Variants in STARD4 observed in about 807,000 individuals in gnomAD.
STARD4 encodes the protein stAR-related lipid transfer protein 4.
In STARD4, 33 loss-of-function variants were observed where a neutral mutation model predicts 24.9. The observed-to-expected ratio is 1.32, with a 90% confidence interval of 1.00 to 1.77. STARD4 has a LOEUF of 1.77. Ranked by LOEUF, STARD4 falls within the 40% of genes most tolerant of loss-of-function variation. The pLI is 0.00. For synonymous variants in STARD4, 88 were observed against 77.4 expected (o/e 1.14, Z -0.72); for missense variants, 238 against 249.3 (o/e 0.95, Z 0.31).
At chr5:111,508,717 T>C (rs1757038291) in intron 1 of STARD4, among the ~76,000 whole-genome samples, 1 of 152,178 alleles carries the variant, frequency 6.6e-6, no homozygotes, top group Non-Finnish European at 1.5e-5. Flanking sequence ...TAGGGCCCAG[T>C]GCCAAATAGT....
At position 111,500,009 on chromosome 5, in the gene STARD4, G is replaced by C; in HGVS notation, c.495C>G (p.Asn165Lys). ...GAATATATCCTGTCAAAAGACTCTG[G>C]TTTGGGTTGTCTTTAAGTGGAACAC... Reference protein sequence around the residue: ...WFCVPLKDNPNQSLLTGYIQT... With the variant: ...WFCVPLKDNPKQSLLTGYIQT... Residue 165 changes from asparagine to lysine, a missense_variant, in exon 6 of 6, where the codon AAC (asparagine) becomes AAG (lysine). Transcript: ENST00000296632. 1 of 1,614,132 alleles carries C rather than the reference G, an allele frequency of 6.2e-7. No individual in the cohort carries two copies. Among genetic ancestry groups the C allele is most frequent in the African/African-American group, 1.3e-5 (1 of 75,028 alleles).
chr5:111,506,159 A>C (rs1756841081), intron 3 of STARD4, 171 bp downstream of exon 3: 1 of 306,164 alleles, frequency 3.3e-6, no homozygotes, highest in Non-Finnish European at 5.9e-6. Flanking sequence ...GTGCCACCGC[A>C]CTCCAGCCTG....
rs1294757601 is a variant in STARD4, at chr5:111,498,952, C to T, written c.*934G>A. On this transcript the variant is annotated 3_prime_UTR_variant, in exon 6 of 6. Transcript: ENST00000296632. ...ACCATGCACTTGAAACACTATGTACCTTTCTGCATTTCATGTCTTGTTTAG... is the reference window on the plus strand; with the variant it reads ...ACCATGCACTTGAAACACTATGTACTTTTCTGCATTTCATGTCTTGTTTAG... 1 of 152,112 alleles carries T rather than the reference C, an allele frequency of 6.6e-6. No homozygotes were observed. The highest frequency in any genetic ancestry group is 1.5e-5 in the Non-Finnish European group (1 of 68,016). The allele number at this position is 152,112 out of a possible 1,614,324, so 9.4% of individuals were successfully genotyped here. A position where few individuals can be genotyped will look rare whatever the true frequency, so the allele number is the denominator to read the frequency against.
At position 111,497,269 on chromosome 5, in the gene STARD4, A is replaced by G. The variant is rs779418972; in HGVS notation, c.*2617T>C. On this transcript the variant is annotated 3_prime_UTR_variant, in exon 6 of 6. Coordinates refer to ENST00000296632, the MANE Select transcript of STARD4 (RefSeq NM_139164.3). The stretch of plus-strand genomic sequence containing the variant: ...TGGCAATAATTTTATCTCATTGACA[A>G]CTGATTTATATCTAAAGTTTAGATG... 4.6e-5 allele frequency: 7 copies of G among 152,064 alleles called. No homozygotes were observed. Among genetic ancestry groups the G allele is most frequent in the Non-Finnish European group, 8.8e-5 (6 of 67,934 alleles). 9.4% of individuals were successfully genotyped at this position (152,064 alleles called of 1,614,324 possible).
chr5:111,497,553 T>C lies in STARD4; in HGVS notation c.*2333A>G, dbSNP rs1442729330. 6.6e-6 allele frequency: 1 copy of C among 152,082 alleles called. No individual in the cohort carries two copies. The highest frequency in any genetic ancestry group is 1.5e-5 in the Non-Finnish European group (1 of 67,928). The allele number at this position is 152,082 out of a possible 1,614,324, so 9.4% of individuals were successfully genotyped here. On this transcript the variant is annotated 3_prime_UTR_variant, in exon 6 of 6. Coordinates refer to ENST00000296632, the MANE Select transcript of STARD4 (RefSeq NM_139164.3). Reference sequence around the variant, plus strand: ...AGTACAAACTATCAGAATAAATCTTTACATCAATTACATGTTAAAATGATA... The same window carrying C: ...AGTACAAACTATCAGAATAAATCTTCACATCAATTACATGTTAAAATGATA...
chr5:111,510,994 C>T (rs1006684462), intron 1 of STARD4, among the ~76,000 whole-genome samples: 7 of 152,128 alleles, frequency 4.6e-5, no homozygotes, highest in African/African-American at 1.4e-4. Context: ...TTTTCACTTC[C>T]GTCAACAGCT....
At chr5:111,506,705 C>G (rs1756888866) in intron 2 of STARD4, among the ~76,000 whole-genome samples, 1 of 152,212 alleles carries the variant, frequency 6.6e-6, no homozygotes, top group Admixed American at 6.5e-5. Context: ...CATTCAGACT[C>G]TAACACTAGG....
At chr5:111,500,665 A>T in intron 5 of STARD4, 1 of 1,288,794 alleles carries the variant, frequency 7.8e-7, no homozygotes, top group Non-Finnish European at 9.8e-7. Flanking sequence ...CACCAAATCT[A>T]GTACTTCTCT....
chr5:111,500,014 G>C lies in STARD4; in HGVS notation c.490C>G (p.Pro164Ala). 5 of 1,614,054 alleles carry C rather than the reference G, an allele frequency of 3.1e-6. No homozygotes were observed. The highest frequency in any genetic ancestry group is 4.2e-6 in the Non-Finnish European group (5 of 1,180,012). The change falls in exon 6 of 6, where the codon CCA (proline) becomes GCA (alanine). Residue 164 changes from proline (P) to alanine (A), a missense_variant. Physicochemically the swap from Pro to Ala is conservative, Grantham distance 27. Coordinates refer to ENST00000296632, the MANE Select transcript of STARD4 (RefSeq NM_139164.3). ...GWFCVPLKDN[P>A]NQSLLTGYIQ... ...TATCCTGTCAAAAGACTCTGGTTTG[G>C]GTTGTCTTTAAGTGGAACACAAAAC... is the stretch of plus-strand genomic sequence containing the variant.
chr5:111,500,792 T>G, intron 5 of STARD4: 1 of 1,463,028 alleles, frequency 6.8e-7, no homozygotes, highest in Non-Finnish European at 8.9e-7. Context: ...TAGAGGATAC[T>G]GTGTAACTGG....
rs1174732301 is a variant in STARD4, at chr5:111,507,247, T to C, written c.105+82A>G. The C allele has an allele frequency of 1.1e-5, 12 of 1,108,546 alleles. No individual in the cohort carries two copies. Among genetic ancestry groups the C allele is most frequent in the Admixed American group, 2.1e-5 (1 of 48,186 alleles). 68.7% of individuals were successfully genotyped at this position (1,108,546 alleles called of 1,614,324 possible). On this transcript the variant is annotated intron_variant, in intron 2 of 5. Coordinates refer to ENST00000296632, the MANE Select transcript of STARD4 (RefSeq NM_139164.3). This position sits in a 1 kb window ranked among gnomAD's most constrained non-coding sequence, Gnocchi z 4.4. ...TCCAAAGTATGGTCTTTGTCCATAT[T>C]GTTCCATTTAATTTTAAAAGTCATC...
chr5:111,511,180 G>C (rs1757243206), intron 1 of STARD4, among the ~76,000 whole-genome samples: 1 of 151,862 alleles, frequency 6.6e-6, no homozygotes, highest in Non-Finnish European at 1.5e-5. Flanking sequence ...TTTGAGACTG[G>C]CTCTGGCAGG....
rs1294674064 is a variant in STARD4, at chr5:111,497,053, T to G, written c.*2833A>C. The G allele has an allele frequency of 6.6e-6, 1 of 152,000 alleles. No individual in the cohort carries two copies. Among genetic ancestry groups the G allele is most frequent in the African/African-American group, 2.4e-5 (1 of 41,430 alleles). The allele number at this position is 152,000 out of a possible 1,614,324, so 9.4% of individuals were successfully genotyped here. The stretch of plus-strand genomic sequence containing the variant: ...TAATCTTTTTCTTGTATGAAACTAA[T>G]TTCCTTAAAAAATAGCTACTATATA... On this transcript the variant is annotated 3_prime_UTR_variant, in exon 6 of 6. Coordinates refer to ENST00000296632, the MANE Select transcript of STARD4 (RefSeq NM_139164.3).
Position 111,501,997 on chromosome 5 carries a change from T to A in STARD4, c.247A>T (p.Met83Leu), listed in dbSNP as rs1242467926. The A allele has an allele frequency of 6.2e-7, 1 of 1,614,150 alleles. No homozygotes were observed. Among genetic ancestry groups the A allele is most frequent in the Non-Finnish European group, 8.5e-7 (1 of 1,180,032 alleles). Reference sequence around the variant, plus strand: ...TTCTCCAGAATATCCAAAGAAGTCATCAAGCTGTCCCAATCCAAACGACAA... The same window carrying A: ...TTCTCCAGAATATCCAAAGAAGTCAACAAGCTGTCCCAATCCAAACGACAA... ...GPCRLDWDSL[M>L]TSLDILENFE... Residue 83 changes from methionine to leucine, a missense_variant, in exon 4 of 6, where the codon ATG becomes TTG. Met to Leu is a conservative substitution (Grantham distance 15). Transcript: ENST00000296632.
chr5:111,504,200 G>C (rs948768864), intron 3 of STARD4, among the ~76,000 whole-genome samples: 1 of 152,086 alleles, frequency 6.6e-6, no homozygotes, highest in East Asian at 1.9e-4. Flanking sequence ...TGTGCACAAA[G>C]AGATATATAC....
At chr5:111,504,091 G>A (rs766066877) in intron 3 of STARD4, among the ~76,000 whole-genome samples, 10 of 152,176 alleles carry the variant, frequency 6.6e-5, no homozygotes, top group Non-Finnish European at 1.2e-4. Context: ...GTGAATGGAG[G>A]GGGATGAGAA....
chr5:111,510,195 T>C (rs1005493559), intron 1 of STARD4, among the ~76,000 whole-genome samples: 2 of 152,190 alleles, frequency 1.3e-5, no homozygotes, highest in African/African-American at 4.8e-5. Context: ...GAAATAATCA[T>C]TGCCATCAAA....
At chr5:111,504,804 T>C (rs1394633801) in intron 3 of STARD4, among the ~76,000 whole-genome samples, 1 of 152,208 alleles carries the variant, frequency 6.6e-6, no homozygotes. Context: ...CCCATTTCCA[T>C]AGTCAGAACT....
intron 5 of STARD4, chr5:111,500,781 C>T: frequency 6.9e-7 from 1 of 1,448,858 alleles, no homozygotes; most frequent in Non-Finnish European, 9.0e-7. Flanking sequence ...TACCTCTGAC[C>T]TAGAGGATAC....
Sources: allele counts gnomAD v4.1 joint callset (sites outside exome capture counted in the v4.1 genomes callset), GRCh38; gene constraint gnomAD v4.1.1; non-coding constraint Gnocchi (gnomAD v3.1); transcripts MANE v1.5; gene names NCBI Gene and HGNC (gene_info 2026-07-23, HGNC 2026-07-21).